Variants in OLA1 observed in about 807,000 individuals in gnomAD.
The protein encoded by OLA1 is Obg like ATPase 1.
A neutral mutation model predicts 48.4 loss-of-function variants in OLA1; 14 were observed. The observed-to-expected ratio is 0.29, with a 90% confidence interval of 0.19 to 0.45. OLA1 has a LOEUF of 0.45. Ranked by LOEUF, OLA1 falls within the 20% of genes least tolerant of loss-of-function variation. The pLI is 1.00. For synonymous variants in OLA1, 127 were observed against 150.4 expected, an observed-to-expected ratio of 0.84 and a Z score of 1.14; for missense variants, 325 against 467.1, an observed-to-expected ratio of 0.70 and a Z score of 2.80.
At chr2:174,089,111 A>T (rs1325126766) in intron 7 of OLA1, among the ~76,000 whole-genome samples, 1 of 152,182 alleles carries the variant, frequency 6.6e-6, no homozygotes, top group East Asian at 1.9e-4. Flanking sequence ...TGGGAGGCTG[A>T]GGCAGGAGGA....
chr2:174,208,097 C>T (rs189712513), intron 4 of OLA1, among the ~76,000 whole-genome samples: 4 of 152,180 alleles, frequency 2.6e-5, no homozygotes, highest in Admixed American at 6.5e-5. Context: ...TTATCATCCA[C>T]GACTTTATAA....
At chr2:174,219,412 A>T (rs1256881517) in intron 4 of OLA1, among the ~76,000 whole-genome samples, 17 of 134,696 alleles carry the variant, frequency 1.3e-4, no homozygotes, top group East Asian at 2.1e-4. Flanking sequence ...AACTTACTCC[A>T]TTTTATTTCC....
At chr2:174,149,112 A>T (rs1236211064) in intron 4 of OLA1, among the ~76,000 whole-genome samples, 1 of 152,162 alleles carries the variant, frequency 6.6e-6, no homozygotes, top group African/African-American at 2.4e-5. Flanking sequence ...GCCTATTTAC[A>T]ACTCAACCCA....
chr2:174,241,298 G>A (rs1227692667), intron 2 of OLA1, among the ~76,000 whole-genome samples: 2 of 152,154 alleles, frequency 1.3e-5, no homozygotes, highest in Non-Finnish European at 2.9e-5. Flanking sequence ...CTACATTCCC[G>A]ACGAACAAAA....
At chr2:174,094,167 GAC>G (rs1233038436) in intron 7 of OLA1, among the ~76,000 whole-genome samples, 1 of 152,188 alleles carries the variant, frequency 6.6e-6, no homozygotes, top group Non-Finnish European at 1.5e-5. Context: ...GTCTTTCTGA[GAC>G]TGGCTGAAAC....
At chr2:174,201,773 T>C (rs1020551319) in intron 4 of OLA1, among the ~76,000 whole-genome samples, 1 of 152,256 alleles carries the variant, frequency 6.6e-6, no homozygotes, top group African/African-American at 2.4e-5. Flanking sequence ...AAGTACATTG[T>C]TACCATTCGT....
chr2:174,108,195 A>G (rs1266889248), intron 7 of OLA1, among the ~76,000 whole-genome samples: 1 of 152,158 alleles, frequency 6.6e-6, no homozygotes, highest in Non-Finnish European at 1.5e-5. Flanking sequence ...AAATAGTTTT[A>G]AAATGGTATT....
At chr2:174,084,016 C>T (rs950848594) in intron 7 of OLA1, among the ~76,000 whole-genome samples, 1 of 152,142 alleles carries the variant, frequency 6.6e-6, no homozygotes, top group Non-Finnish European at 1.5e-5. Context: ...TATTTGCATT[C>T]CTCAGGTGTT....
intron 4 of OLA1, among the ~76,000 whole-genome samples, chr2:174,161,264 A>C (rs17319232): frequency 0.069 from 10,483 of 152,288 alleles, 486 homozygotes; most frequent in Non-Finnish European, 0.1. Context: ...TAGTAACAAA[A>C]GCAAACTAAC....
intron 7 of OLA1, among the ~76,000 whole-genome samples, chr2:174,107,109 TCC>T (rs1685530424): frequency 6.6e-6 from 1 of 152,132 alleles, no homozygotes; most frequent in African/African-American, 2.4e-5. Context: ...TCTGATAAGC[TCC>T]TTGTTGGGAG....
intron 7 of OLA1, among the ~76,000 whole-genome samples, chr2:174,097,884 TAA>T (rs766143803): frequency 7.2e-5 from 11 of 152,308 alleles, no homozygotes; most frequent in Non-Finnish European, 1.2e-4. Flanking sequence ...CTTATTCTAA[TAA>T]AAGAGTCCAT....
intron 5 of OLA1, among the ~76,000 whole-genome samples, chr2:174,126,576 TA>T (rs1686049404): frequency 6.6e-6 from 1 of 152,200 alleles, no homozygotes; most frequent in Non-Finnish European, 1.5e-5. Context: ...GGTAACAGTA[TA>T]ATGCTTAAGC....
At chr2:174,246,595 T>C in intron 2 of OLA1, 120 bp downstream of exon 2, 1 of 692,870 alleles carries the variant, frequency 1.4e-6, no homozygotes, top group Non-Finnish European at 2.5e-6. Flanking sequence ...ATATTAATAG[T>C]CCAGCTTCCT....
chr2:174,138,788 T>C (rs1357814103), intron 5 of OLA1, among the ~76,000 whole-genome samples: 6 of 152,228 alleles, frequency 3.9e-5, no homozygotes, highest in Non-Finnish European at 5.9e-5. Flanking sequence ...ATACCAGTTT[T>C]AAAAATTGCC....
chr2:174,155,181 G>T (rs1018852897), intron 4 of OLA1, among the ~76,000 whole-genome samples: 1 of 152,110 alleles, frequency 6.6e-6, no homozygotes, highest in Non-Finnish European at 1.5e-5. Context: ...GGGATTATGT[G>T]TATCTTAAGT....
In OLA1 at chr2:174,141,184, A is replaced by T. The variant is rs144838925; in HGVS notation, c.549+641T>A. Among the ~76,000 whole-genome samples the T allele has an allele frequency of 7.9e-3, 1,210 of 152,298 alleles. 17 individuals are homozygous for T. Among genetic ancestry groups the T allele is most frequent in the African/African-American group, 0.027 (1,139 of 41,570 alleles). On this transcript the variant is annotated intron_variant, in intron 5 of 10. Coordinates refer to ENST00000284719, the MANE Select transcript of OLA1 (RefSeq NM_013341.5). The stretch of plus-strand genomic sequence containing the variant: ...TGATCTCAGGTGATCCACCCGCCTC[A>T]GCTTCCCAAAGTGCTGGGATTATAG...
At chr2:174,167,318 G>A (rs1228406202) in intron 4 of OLA1, among the ~76,000 whole-genome samples, 1 of 152,218 alleles carries the variant, frequency 6.6e-6, no homozygotes, top group African/African-American at 2.4e-5. Flanking sequence ...GCTCACGCCT[G>A]TAATCCCAAC....
chr2:174,081,312 GC>G, intron 8 of OLA1, 64 bp from the exon 9 acceptor site: 1 of 1,193,562 alleles, frequency 8.4e-7, no homozygotes. Context: ...TTGGTATAGA[GC>G]TAAAATTATT....
At chr2:174,120,670 A>G (rs144091457) in intron 7 of OLA1, among the ~76,000 whole-genome samples, 14 of 152,312 alleles carry the variant, frequency 9.2e-5, no homozygotes, top group African/African-American at 3.4e-4. Context: ...CAATAACACA[A>G]TAGACTTATC....
Sources: allele counts gnomAD v4.1 joint callset (sites outside exome capture counted in the v4.1 genomes callset), GRCh38; gene constraint gnomAD v4.1.1; transcripts MANE v1.5; gene names NCBI Gene and HGNC (gene_info 2026-07-23, HGNC 2026-07-21).